PARD3B: variants seen among roughly 807,000 people sequenced by gnomAD.
PARD3B encodes the protein par-3 family cell polarity regulator beta, also known as partitioning defective 3 homolog B.
In PARD3B, 103 loss-of-function variants were observed where a neutral mutation model predicts 130.2. The ratio of observed to expected loss-of-function variants is 0.79; its 90% CI spans 0.67 to 0.93. PARD3B has a LOEUF of 0.93. Among genes scored for constraint, PARD3B ranks in the 40% least tolerant of loss-of-function variants. PARD3B has a pLI of 0.00. For synonymous variants in PARD3B, 583 were observed against 553.2 expected, an observed-to-expected ratio of 1.05 and a Z score of -0.76; for missense variants, 1,609 against 1,499.2, an observed-to-expected ratio of 1.07 and a Z score of -1.21.
intron 15 of PARD3B, among the ~76,000 whole-genome samples, chr2:205,210,261 C>G (rs1358428707): frequency 6.6e-6 from 1 of 151,716 alleles, no homozygotes; most frequent in Non-Finnish European, 1.5e-5. Context: ...AGAAAATCAG[C>G]TTTAGTCTTA....
chr2:205,508,592 A>T (rs1010434505), intron 21 of PARD3B, among the ~76,000 whole-genome samples: 1 of 151,748 alleles, frequency 6.6e-6, no homozygotes, highest in South Asian at 2.1e-4. Context: ...AAAAAAAAAA[A>T]AGTATGTGTC....
chr2:205,154,927 G>A (rs2034015541), intron 10 of PARD3B, among the ~76,000 whole-genome samples: 1 of 151,994 alleles, frequency 6.6e-6, no homozygotes, highest in Admixed American at 6.6e-5. Context: ...ATAGCATTAG[G>A]AGAAATACCT....
intron 4 of PARD3B, among the ~76,000 whole-genome samples, chr2:205,050,479 A>G (rs1308805368): frequency 6.6e-6 from 1 of 151,904 alleles, no homozygotes; most frequent in African/African-American, 2.4e-5. Context: ...TACAGTGTCT[A>G]GTTTAGTAGC....
intron 2 of PARD3B, among the ~76,000 whole-genome samples, chr2:204,718,759 T>G (rs1191078141): frequency 3.9e-5 from 6 of 152,226 alleles, no homozygotes; most frequent in African/African-American, 1.4e-4. Flanking sequence ...AGTTTATCTC[T>G]GTAAGCCAAG....
rs575826458 is a variant in PARD3B, at chr2:205,051,065, A to G, written c.504+3375A>G. Among the ~76,000 whole-genome samples, 12 of 152,282 alleles carry G rather than the reference A, an allele frequency of 7.9e-5. No individual in the cohort carries two copies. In the South Asian group the frequency reaches 2.1e-3, roughly 26 times the overall value. ...CACTGATAAGAGAAGCAGCCTTTCA[A>G]GGAAACCTTGGGAACATAACAACCA... is the stretch of plus-strand genomic sequence containing the variant. On this transcript the variant is annotated intron_variant, in intron 4 of 22. Transcript: ENST00000406610.
chr2:204,735,757 A>G (rs1307091380), intron 2 of PARD3B, among the ~76,000 whole-genome samples: 1 of 152,132 alleles, frequency 6.6e-6, no homozygotes, highest in Non-Finnish European at 1.5e-5. Flanking sequence ...TTTGGTTTTG[A>G]CGAGACTGTT....
chr2:205,241,725 C>T lies in PARD3B; in HGVS notation c.2141-4053C>T, dbSNP rs1443863993. On this transcript the variant is annotated intron_variant, in intron 15 of 22. Transcript: ENST00000406610. This position sits in a 1 kb window ranked among gnomAD's most constrained non-coding sequence, Gnocchi z 4.2. ...ACTGTTTTGGAATCAAAGACCTTTC[C>T]CACACCAGGCCCATTTATTTTTCAA... 1.3e-5 allele frequency among the ~76,000 whole-genome samples: 2 copies of T among 152,100 alleles called. No homozygotes were observed. The highest frequency in any genetic ancestry group is 4.8e-5 in the African/African-American group (2 of 41,428).
intron 21 of PARD3B, among the ~76,000 whole-genome samples, chr2:205,523,719 C>A (rs145172095): frequency 2.6e-5 from 4 of 151,446 alleles, no homozygotes; most frequent in Non-Finnish European, 4.4e-5. Flanking sequence ...ATAGATCCTA[C>A]TATCTAGGGA....
intron 18 of PARD3B, among the ~76,000 whole-genome samples, chr2:205,314,387 C>T (rs974460516): frequency 1.3e-5 from 2 of 152,144 alleles, no homozygotes; most frequent in Non-Finnish European, 2.9e-5. Context: ...TCTAAAAATG[C>T]ATGGACACCA....
At chr2:204,652,053 G>A (rs2035496713) in intron 1 of PARD3B, among the ~76,000 whole-genome samples, 1 of 152,158 alleles carries the variant, frequency 6.6e-6, no homozygotes, top group South Asian at 2.1e-4. Context: ...GACCTGTGAT[G>A]GGAGGGGCTG....
chr2:204,659,962 G>C (rs1443337186), intron 1 of PARD3B, among the ~76,000 whole-genome samples: 1 of 152,072 alleles, frequency 6.6e-6, no homozygotes. Flanking sequence ...TCTAAGATTG[G>C]AAGACTTTGA....
Position 205,192,384 on chromosome 2 carries a change from A to G in PARD3B, c.2025-821A>G, listed in dbSNP as rs188957788. On this transcript the variant is annotated intron_variant, in intron 14 of 22. Transcript: ENST00000406610. ...AGCAATTATAATGAGATGAGCCACC[A>G]TATTTACTTTCCAAACAGATGAGAG... is the stretch of plus-strand genomic sequence containing the variant. Among the ~76,000 whole-genome samples, 220 of 152,322 alleles carry G rather than the reference A, an allele frequency of 1.4e-3. 1 individual carries two copies. Among genetic ancestry groups the G allele is most frequent in the African/African-American group, 5.1e-3 (212 of 41,586 alleles).
intron 14 of PARD3B, among the ~76,000 whole-genome samples, chr2:205,186,897 T>TA (rs1264402383): frequency 6.6e-6 from 1 of 152,150 alleles, no homozygotes; most frequent in Non-Finnish European, 1.5e-5. Flanking sequence ...TTTGGTGGCA[T>TA]AAAAAAAGCC....
intron 2 of PARD3B, among the ~76,000 whole-genome samples, chr2:204,921,049 G>A (rs1182850473): frequency 6.6e-6 from 1 of 152,188 alleles, no homozygotes; most frequent in African/African-American, 2.4e-5. Context: ...CTAAGATAAT[G>A]TGGTCAGGCA....
chr2:204,660,575 C>A (rs1173253578), intron 1 of PARD3B, among the ~76,000 whole-genome samples: 4 of 152,060 alleles, frequency 2.6e-5, no homozygotes, highest in African/African-American at 7.2e-5. Flanking sequence ...TATAATAAAT[C>A]ATTAGTGGAC....
At chr2:204,781,755 A>G (rs2125453568) in intron 2 of PARD3B, among the ~76,000 whole-genome samples, 1 of 152,276 alleles carries the variant, frequency 6.6e-6, no homozygotes, top group South Asian at 2.1e-4. Context: ...TCCAGTAGGT[A>G]TGCATAATGG....
intron 2 of PARD3B, among the ~76,000 whole-genome samples, chr2:204,701,193 G>C (rs966275155): frequency 1.3e-5 from 2 of 152,000 alleles, no homozygotes; most frequent in African/African-American, 4.8e-5. Flanking sequence ...TTTAGCTTTA[G>C]CTTCCTTCCT....
chr2:205,099,893 A>C (rs917379332), intron 4 of PARD3B, among the ~76,000 whole-genome samples: 1 of 152,140 alleles, frequency 6.6e-6, no homozygotes, highest in South Asian at 2.1e-4. Context: ...TATTATCTTA[A>C]TAATAATAGG....
Position 205,124,324 on chromosome 2 carries a change from T to G in PARD3B, c.1166-3T>G. The G allele has an allele frequency of 6.5e-7, 1 of 1,543,382 alleles. No individual in the cohort carries two copies. Among genetic ancestry groups the G allele is most frequent in the Non-Finnish European group, 8.7e-7 (1 of 1,143,070 alleles). On this transcript the variant is annotated splice_polypyrimidine_tract_variant and splice_region_variant and intron_variant, in intron 8 of 22. Transcript: ENST00000406610. ...TATACATTTTCCTGTTCTTATACAC[T>G]AGGCCCTGAAGGACTTGGTTTCACT...
Sources: allele counts gnomAD v4.1 joint callset (sites outside exome capture counted in the v4.1 genomes callset), GRCh38; gene constraint gnomAD v4.1.1; non-coding constraint Gnocchi (gnomAD v3.1); transcripts MANE v1.5; gene names NCBI Gene and HGNC (gene_info 2026-07-23, HGNC 2026-07-21).